The following DLEU7 variants were observed in gnomAD, a reference collection of about 807,000 sequenced individuals.
The protein encoded by DLEU7 is leukemia-associated protein 7.
In DLEU7, 17 loss-of-function variants were observed where a neutral mutation model predicts 16.0. The ratio of observed to expected loss-of-function variants is 1.06; its 90% CI spans 0.73 to 1.59. The LOEUF is 1.59. DLEU7 is among the 40% of genes most tolerant of loss of function. DLEU7 has a pLI of 0.00. For synonymous variants in DLEU7, 113 were observed against 139.8 expected (o/e 0.81, Z 1.35); for missense variants, 308 against 314.9 (o/e 0.98, Z 0.17).
chr13:50,817,370 G>C (rs757186308), intron 1 of DLEU7, among the ~76,000 whole-genome samples: 18 of 152,126 alleles, frequency 1.2e-4, no homozygotes, highest in South Asian at 2.1e-4. Flanking sequence ...CAAAGGTAAA[G>C]CTCTCTGGTA....
rs191761807 is a variant in DLEU7 at position 50,730,150 on chromosome 13, C to T, written c.460-16910G>A. Among the ~76,000 whole-genome samples, 1,051 of 150,568 alleles carry T rather than the reference C, an allele frequency of 7.0e-3. 6 individuals carry two copies. Among genetic ancestry groups the T allele is most frequent in the African/African-American group, 9.7e-3 (398 of 40,962 alleles). On this transcript the variant is annotated intron_variant, in intron 1 of 1. Coordinates refer to the DLEU7 transcript ENST00000400393. ...TGTTGTCTTCATGTTGAATAGGCTG[C>T]GGAGGAGGAGGCAGAGGAGGGGTTG...
chr13:50,756,060 G>A (rs1874749166), intron 1 of DLEU7, among the ~76,000 whole-genome samples: 1 of 152,220 alleles, frequency 6.6e-6, no homozygotes, highest in African/African-American at 2.4e-5. Flanking sequence ...GTCCTGTGAT[G>A]TGAACTGTCT....
At chr13:50,714,023 A>C (rs1040254166) in intron 1 of DLEU7, among the ~76,000 whole-genome samples, 31 of 152,148 alleles carry the variant, frequency 2.0e-4, no homozygotes, top group African/African-American at 6.5e-4. Flanking sequence ...CCTCACTCCC[A>C]TGCTCTGTTG....
chr13:50,745,323 CT>C (rs1874362954), intron 1 of DLEU7, among the ~76,000 whole-genome samples: 3 of 152,098 alleles, frequency 2.0e-5, no homozygotes, highest in Admixed American at 2.0e-4. Context: ...AAAACAAATA[CT>C]GTTTCATTCT....
chr13:50,803,723 AAC>A (rs936796710), intron 1 of DLEU7, among the ~76,000 whole-genome samples: 4 of 152,156 alleles, frequency 2.6e-5, no homozygotes, highest in Non-Finnish European at 5.9e-5. Flanking sequence ...TTCTTTAAAA[AAC>A]AGACTTCTTT....
At chr13:50,797,530 G>A (rs1402250853) in intron 1 of DLEU7, among the ~76,000 whole-genome samples, 3 of 152,124 alleles carry the variant, frequency 2.0e-5, no homozygotes, top group Non-Finnish European at 2.9e-5. Flanking sequence ...ACTAGGAAAT[G>A]GAAAAAGAGT....
intron 1 of DLEU7, among the ~76,000 whole-genome samples, chr13:50,745,121 G>T (rs1874357980): frequency 6.6e-6 from 1 of 152,130 alleles, no homozygotes; most frequent in Non-Finnish European, 1.5e-5. Flanking sequence ...GTACACCTAT[G>T]TTCACAGCAG....
intron 1 of DLEU7, among the ~76,000 whole-genome samples, chr13:50,815,661 G>C (rs9596378): frequency 1.3e-5 from 2 of 152,124 alleles, no homozygotes; most frequent in Non-Finnish European, 2.9e-5. Flanking sequence ...AAATGCTCTA[G>C]ATGAACTTGA....
At chr13:50,714,957 G>T (rs1873398627) in intron 1 of DLEU7, among the ~76,000 whole-genome samples, 1 of 152,226 alleles carries the variant, frequency 6.6e-6, no homozygotes, top group Non-Finnish European at 1.5e-5. Flanking sequence ...AAATCAAGGT[G>T]TTGGCCAGGC....
intron 1 of DLEU7, among the ~76,000 whole-genome samples, chr13:50,772,560 A>G (rs1254369613): frequency 6.6e-6 from 1 of 152,188 alleles, no homozygotes; most frequent in Non-Finnish European, 1.5e-5. Flanking sequence ...TCTGGGTTGA[A>G]TATTTTTTTC....
chr13:50,716,860 T>A (rs1873452510), intron 1 of DLEU7, among the ~76,000 whole-genome samples: 1 of 152,174 alleles, frequency 6.6e-6, no homozygotes, highest in South Asian at 2.1e-4. Flanking sequence ...CATCAAAAAC[T>A]GTTGACAATA....
At chr13:50,817,949 GCT>G (rs1386141488), downstream of DLEU7, among the ~76,000 whole-genome samples, 1 of 152,072 alleles carries the variant, frequency 6.6e-6, no homozygotes, top group Non-Finnish European at 1.5e-5. Context: ...CCTGTATCCA[GCT>G]CTAACTAAAA....
At chr13:50,817,605 A>T (rs916434419) in intron 1 of DLEU7, among the ~76,000 whole-genome samples, 2 of 152,172 alleles carry the variant, frequency 1.3e-5, no homozygotes, top group African/African-American at 4.8e-5. Context: ...TTACTGCATG[A>T]GGATCTGGCA....
intron 1 of DLEU7, among the ~76,000 whole-genome samples, chr13:50,782,300 G>T (rs756832339): frequency 6.6e-5 from 10 of 152,154 alleles, no homozygotes; most frequent in Non-Finnish European, 1.2e-4. Context: ...AATGGCTAAC[G>T]GAAATCAGAC....
At chr13:50,821,496 T>C (rs1034198067), downstream of DLEU7, among the ~76,000 whole-genome samples, 6 of 152,106 alleles carry the variant, frequency 3.9e-5, no homozygotes, top group Admixed American at 3.9e-4. Flanking sequence ...TATTAAGATA[T>C]CATGTGATAA....
intron 1 of DLEU7, among the ~76,000 whole-genome samples, chr13:50,741,001 C>T (rs559129561): frequency 1.4e-4 from 21 of 152,224 alleles, no homozygotes; most frequent in African/African-American, 5.1e-4. Context: ...TGTGTCCCTA[C>T]CACCACCTGC....
At chr13:50,772,552 T>C (rs1430280617) in intron 1 of DLEU7, among the ~76,000 whole-genome samples, 4 of 152,244 alleles carry the variant, frequency 2.6e-5, no homozygotes. Context: ...TATGAAATTC[T>C]GGGTTGAATA....
At chr13:50,790,855 T>C (rs1327808341) in intron 1 of DLEU7, among the ~76,000 whole-genome samples, 1 of 152,106 alleles carries the variant, frequency 6.6e-6, no homozygotes. Context: ...GGCTTTGTGC[T>C]CTTTAGAAAA....
At chr13:50,744,505 T>C (rs180965990) in intron 1 of DLEU7, among the ~76,000 whole-genome samples, 30 of 152,286 alleles carry the variant, frequency 2.0e-4, no homozygotes, top group Non-Finnish European at 3.8e-4. Context: ...AAATTCTGTA[T>C]CACAAGGAAT....
Sources: allele counts gnomAD v4.1 joint callset (sites outside exome capture counted in the v4.1 genomes callset), GRCh38; gene constraint gnomAD v4.1.1; transcripts MANE v1.5; gene names NCBI Gene and HGNC (gene_info 2026-07-23, HGNC 2026-07-21).